The following NECAP2 variants were observed in gnomAD, a reference collection of about 807,000 sequenced individuals.
NECAP2 encodes the protein NECAP endocytosis associated 2.
NECAP2 carries 38 observed loss-of-function variants against 37.8 expected under a neutral mutation model. The ratio of observed to expected loss-of-function variants is 1.01; its 90% CI spans 0.78 to 1.32. NECAP2 has a LOEUF of 1.32. Among genes scored for constraint, NECAP2 ranks in the 40% most tolerant of loss-of-function variants. NECAP2 has a pLI of 0.00. For synonymous variants in NECAP2, 121 were observed against 127.7 expected, an observed-to-expected ratio of 0.95 and a Z score of 0.35; for missense variants, 316 against 334.5, an observed-to-expected ratio of 0.94 and a Z score of 0.43.
intron 2 of NECAP2, among the ~76,000 whole-genome samples, chr1:16,444,721 CA>C (rs1455782918): frequency 6.6e-6 from 1 of 152,194 alleles, no homozygotes; most frequent in African/African-American, 2.4e-5. Context: ...ATGGCCAGAC[CA>C]GAGACTTTAA....
intron 1 of NECAP2, among the ~76,000 whole-genome samples, chr1:16,441,821 G>A (rs902174702): frequency 6.6e-6 from 1 of 152,052 alleles, no homozygotes; most frequent in Admixed American, 6.6e-5. Context: ...CTGATCTTAT[G>A]GTGAAAAGAT....
rs1484103346 is a variant in NECAP2 at position 16,451,645 on chromosome 1, A to T, written c.490-193A>T. ...GTGGGGGTGCTGGGTTTTAAAATGG[A>T]CCTTATTTGTGAGAGATTCAGAATG... On this transcript the variant is annotated intron_variant, in intron 5 of 7. Coordinates refer to ENST00000337132, the MANE Select transcript of NECAP2 (RefSeq NM_018090.5). The T allele has an allele frequency of 6.3e-6, 4 of 633,136 alleles. No individual in the cohort carries two copies. In the South Asian group the frequency reaches 7.6e-5, roughly 12 times the overall value. 39.2% of individuals were successfully genotyped at this position (633,136 alleles called of 1,614,324 possible).
At chr1:16,458,766 A>T in intron 7 of NECAP2, 76 bp from the exon 8 acceptor site, 1 of 1,534,656 alleles carries the variant, frequency 6.5e-7, no homozygotes, top group South Asian at 1.1e-5. Context: ...TTCTGTCCAG[A>T]GAGAAACCAA....
At chr1:16,443,820 G>A (rs1428881752) in intron 2 of NECAP2, 88 bp downstream of exon 2, 1 of 1,002,568 alleles carries the variant, frequency 1.0e-6, no homozygotes, top group African/African-American at 1.6e-5. Flanking sequence ...GGCTGCTCAG[G>A]GGTCATGGGA....
rs201647723 is a variant in NECAP2, at chr1:16,443,637, C to T, written c.98C>T (p.Ala33Val). 78 of 1,610,364 alleles carry T rather than the reference C, an allele frequency of 4.8e-5. No homozygotes were observed. Among genetic ancestry groups the T allele is most frequent in the Non-Finnish European group, 5.4e-5 (64 of 1,178,736 alleles). The change falls in exon 2 of 8, where the codon GCG becomes GTG. Residue 33 changes from alanine (A) to valine (V), a missense_variant. Physicochemically the swap from Ala to Val is moderately conservative, Grantham distance 64. This residue lies in a region of NECAP2 where 81 missense variants were observed against 124.2 expected (regional missense o/e 0.65). Coordinates refer to ENST00000337132, the MANE Select transcript of NECAP2 (RefSeq NM_018090.5). Reference protein sequence around the residue: ...PRATNRGYRAAEWQLDQPSWS... With the variant: ...PRATNRGYRAVEWQLDQPSWS... ...AGTGGTGTTTGTCCCCTTAGGGCTG[C>T]GGAGTGGCAGCTGGACCAGCCATCA...
chr1:16,443,567 T>G, intron 1 of NECAP2, 65 bp from the exon 2 acceptor site: 1 of 1,243,716 alleles, frequency 8.0e-7, no homozygotes, highest in African/African-American at 1.5e-5. Context: ...GCCCTTTCCA[T>G]TCCCAGCATT....
At chr1:16,453,194 C>G (rs1454491837) in intron 6 of NECAP2, among the ~76,000 whole-genome samples, 1 of 151,468 alleles carries the variant, frequency 6.6e-6, no homozygotes, top group East Asian at 1.9e-4. Context: ...ACTGCAACCT[C>G]TGCCTCCTGG....
At chr1:16,444,913 C>T (rs905688131) in intron 2 of NECAP2, among the ~76,000 whole-genome samples, 2 of 152,180 alleles carry the variant, frequency 1.3e-5, no homozygotes, top group African/African-American at 4.8e-5. Context: ...ACCTCTGCCT[C>T]ACAGGTTCAA....
intron 5 of NECAP2, chr1:16,449,445 G>T: frequency 2.2e-6 from 1 of 463,620 alleles, no homozygotes; most frequent in Non-Finnish European, 3.8e-6. Flanking sequence ...ATGACTAAGG[G>T]ATGCCCTGGG....
chr1:16,448,301 A>G (rs1442794607), intron 4 of NECAP2, 160 bp downstream of exon 4: 1 of 717,736 alleles, frequency 1.4e-6, no homozygotes, highest in Non-Finnish European at 2.5e-6. Flanking sequence ...GCCAATGTTC[A>G]TCTCTGCTGT....
At chr1:16,456,278 T>C (rs1364983401) in intron 7 of NECAP2, among the ~76,000 whole-genome samples, 3 of 152,048 alleles carry the variant, frequency 2.0e-5, no homozygotes, top group Non-Finnish European at 4.4e-5. Context: ...ACCTGCCTCG[T>C]CCTCCCAAAG....
At chr1:16,453,025 A>T (rs1364873801) in intron 6 of NECAP2, among the ~76,000 whole-genome samples, 1 of 151,716 alleles carries the variant, frequency 6.6e-6, no homozygotes, top group Non-Finnish European at 1.5e-5. Flanking sequence ...ACTGTTCTTT[A>T]AGTGCTATTT....
chr1:16,451,834 T>G lies in NECAP2; in HGVS notation c.490-4T>G. 2 of 1,613,990 alleles carry G rather than the reference T, an allele frequency of 1.2e-6. No homozygotes were observed. Among genetic ancestry groups the G allele is most frequent in the South Asian group, 2.2e-5 (2 of 91,066 alleles). ...GCTGATTTGCATTCCTCTTCCCTCT[T>G]TAGAACATGAAGAAGAAGGAAGGAG... On this transcript the variant is annotated splice_polypyrimidine_tract_variant and splice_region_variant and intron_variant, in intron 5 of 7. Transcript: ENST00000337132.
intron 2 of NECAP2, among the ~76,000 whole-genome samples, chr1:16,446,393 C>T (rs2086762950): frequency 6.6e-6 from 1 of 151,536 alleles, no homozygotes; most frequent in Non-Finnish European, 1.5e-5. Flanking sequence ...ATATCAAGAC[C>T]CTATCTCTAA....
chr1:16,452,074 A>G, intron 6 of NECAP2, 59 bp downstream of exon 6: 25 of 1,487,416 alleles, frequency 1.7e-5, no homozygotes, highest in Non-Finnish European at 2.3e-5. Context: ...TCTCCCTGGC[A>G]GCCAGGCCCC....
chr1:16,446,800 C>T (rs937032907), intron 2 of NECAP2, among the ~76,000 whole-genome samples: 22 of 152,130 alleles, frequency 1.4e-4, no homozygotes, highest in Non-Finnish European at 2.4e-4. Context: ...TGGCTCACGC[C>T]TGTAATCCCA....
In NECAP2 at chr1:16,449,113, A is replaced by G; in HGVS notation, c.401A>G (p.Glu134Gly). 6.2e-7 allele frequency: 1 copy of G among 1,613,016 alleles called. No individual in the cohort carries two copies. The highest frequency in any genetic ancestry group is 1.3e-5 in the African/African-American group (1 of 75,006). ...DHFKWVKQQC[E>G]FAKQAQNPDQ... is the part of the protein sequence containing the mutation. Reference sequence around the variant, plus strand: ...CCCAGGTGGGTGAAACAGCAGTGTGAATTTGCAAAACAAGCCCAGAACCCA... The same window carrying G: ...CCCAGGTGGGTGAAACAGCAGTGTGGATTTGCAAAACAAGCCCAGAACCCA... Residue 134 changes from glutamate (E) to glycine (G), a missense_variant, in exon 5 of 8, where the codon GAA becomes GGA. By Grantham distance (98) the Glu-to-Gly change is moderately conservative (BLOSUM62 -2). Around this residue, in one of 3 missense-constraint regions of NECAP2, gnomAD observed 204 missense variants for 188.6 expected, o/e 1.08. Coordinates refer to ENST00000337132, the MANE Select transcript of NECAP2 (RefSeq NM_018090.5).
rs1481630420 is a variant in NECAP2, at chr1:16,440,786, G to A, written c.25G>A (p.Val9Met). MEESGYESVLCVKPDVHVY... is the reference protein window; with the variant it reads MEESGYESMLCVKPDVHVY... ...GATGGAGGAGAGCGGGTACGAGTCG[G>A]TGCTCTGTGTCAAGCCTGACGTCCA... Residue 9 changes from valine to methionine, a missense_variant, in exon 1 of 8, where the codon GTG becomes ATG. Val to Met is a conservative substitution (Grantham distance 21). This residue lies in a region of NECAP2 where 31 missense variants were observed against 21.7 expected (regional missense o/e 1.43). Coordinates refer to ENST00000337132, the MANE Select transcript of NECAP2 (RefSeq NM_018090.5). 4 of 1,614,188 alleles carry A rather than the reference G, an allele frequency of 2.5e-6. No individual in the cohort carries two copies. The highest frequency in any genetic ancestry group is 3.4e-6 in the Non-Finnish European group (4 of 1,180,016).
rs1287419039 is a variant in NECAP2 at position 16,459,460 on chromosome 1, T to G, written c.*570T>G. ...AGCTTTTAAAAATGTTTAAATATTT[T>G]GCTTTGCTAATGTGCTGATCCGCAC... On this transcript the variant is annotated 3_prime_UTR_variant, in exon 8 of 8. Coordinates refer to ENST00000337132, the MANE Select transcript of NECAP2 (RefSeq NM_018090.5). The G allele has an allele frequency of 6.5e-6, 1 of 152,774 alleles. No individual in the cohort carries two copies. The highest frequency in any genetic ancestry group is 1.9e-4 in the East Asian group (1 of 5,216). The allele number at this position is 152,774 out of a possible 1,614,324, so 9.5% of individuals were successfully genotyped here.
Sources: gnomAD v4.1 joint callset for allele counts (sites outside exome capture counted in the v4.1 genomes callset) on GRCh38, gnomAD v4.1.1 for gene constraint, gnomAD v4.1.1 regional missense constraint, MANE v1.5 for transcripts, NCBI Gene and HGNC (gene_info 2026-07-23, HGNC 2026-07-21) for gene names.